Variants in NTM observed in about 807,000 individuals in gnomAD.
The protein encoded by NTM is neurotrimin.
NTM carries 13 observed loss-of-function variants against 42.1 expected under a neutral mutation model. That is an observed-to-expected ratio of 0.31 (90% CI 0.20 to 0.49). The LOEUF is 0.49. Ranked by LOEUF, NTM falls within the 20% of genes least tolerant of loss-of-function variation. The probability of loss-of-function intolerance (pLI) is 0.99; values close to 1 mark genes in which losing one functional copy is unlikely to be tolerated. For synonymous variants in NTM, 187 were observed against 179.2 expected, an observed-to-expected ratio of 1.04 and a Z score of -0.35; for missense variants, 373 against 452.8, an observed-to-expected ratio of 0.82 and a Z score of 1.60.
intron 1 of NTM, among the ~76,000 whole-genome samples, chr11:131,571,019 A>AT (rs1297302492): frequency 5.9e-5 from 9 of 152,204 alleles, no homozygotes; most frequent in Admixed American, 3.3e-4. Flanking sequence ...AGTTAAGAGC[A>AT]ATGGCTTTCC....
chr11:131,888,435 G>A (rs1049159367), intron 1 of NTM, among the ~76,000 whole-genome samples: 10 of 152,116 alleles, frequency 6.6e-5, no homozygotes, highest in Admixed American at 2.6e-4. Context: ...CTGCCAGCCC[G>A]GATCTCCTGC....
chr11:131,730,610 T>C (rs1207071311), intron 1 of NTM, among the ~76,000 whole-genome samples: 2 of 152,046 alleles, frequency 1.3e-5, no homozygotes, highest in Non-Finnish European at 1.5e-5. Context: ...TCCCAGCTAC[T>C]CAAGAGGCTG....
At chr11:132,030,416 T>C (rs2075764761) in intron 2 of NTM, among the ~76,000 whole-genome samples, 2 of 152,232 alleles carry the variant, frequency 1.3e-5, no homozygotes, top group African/African-American at 4.8e-5. Context: ...TATTATTTAA[T>C]TACTCACCAG....
chr11:131,843,051 A>G (rs981564166), intron 1 of NTM, among the ~76,000 whole-genome samples: 6 of 152,098 alleles, frequency 3.9e-5, no homozygotes, highest in Non-Finnish European at 8.8e-5. Context: ...AATGAAAAGC[A>G]AAATTTCTCA....
chr11:131,822,498 A>G (rs1427733703), intron 1 of NTM, among the ~76,000 whole-genome samples: 2 of 152,212 alleles, frequency 1.3e-5, no homozygotes, highest in Non-Finnish European at 1.5e-5. Context: ...TAACGCTCAA[A>G]TCAGTGTGAA....
At chr11:131,501,452 T>C (rs2046821737) in intron 1 of NTM, among the ~76,000 whole-genome samples, 1 of 152,146 alleles carries the variant, frequency 6.6e-6, no homozygotes, top group African/African-American at 2.4e-5. Context: ...GCTCCTGGGC[T>C]GGAGCCTGGG....
rs1421289014 is a variant in NTM at position 132,061,459 on chromosome 11, A to G, written c.168-84823A>G. 2.6e-5 allele frequency among the ~76,000 whole-genome samples: 4 copies of G among 152,336 alleles called. No individual in the cohort carries two copies. In the East Asian group the frequency reaches 7.7e-4, roughly 29 times the overall value. On this transcript the variant is annotated intron_variant, in intron 2 of 8. Transcript: ENST00000683400. ...GGGTTGTGTTTAACTATTAATTTTC[A>G]TACCAGCTTATACCTAATAGAGTGT...
chr11:131,790,110 G>A (rs1392340273), intron 1 of NTM, among the ~76,000 whole-genome samples: 1 of 151,992 alleles, frequency 6.6e-6, no homozygotes, highest in Admixed American at 6.6e-5. Flanking sequence ...AGATTAAAAG[G>A]ATAAGAAGAT....
chr11:131,911,876 C>T (rs1350130665), intron 2 of NTM, among the ~76,000 whole-genome samples: 2 of 152,106 alleles, frequency 1.3e-5, no homozygotes, highest in Non-Finnish European at 2.9e-5. Flanking sequence ...CTGGCCTCTG[C>T]GGCTCAGGCA....
chr11:131,828,140 C>A (rs1359750215), intron 1 of NTM, among the ~76,000 whole-genome samples: 1 of 151,448 alleles, frequency 6.6e-6, no homozygotes, highest in East Asian at 1.9e-4. Flanking sequence ...AAAAAAAAAA[C>A]AACTACCTCT....
At chr11:131,807,579 C>T (rs2092562167) in intron 1 of NTM, among the ~76,000 whole-genome samples, 1 of 152,138 alleles carries the variant, frequency 6.6e-6, no homozygotes, top group South Asian at 2.1e-4. Flanking sequence ...AGCGCCCACT[C>T]ACAGTATTGG....
chr11:131,637,453 G>A (rs139339370), intron 1 of NTM, among the ~76,000 whole-genome samples: 60 of 151,642 alleles, frequency 4.0e-4, no homozygotes, highest in Non-Finnish European at 7.4e-4. Flanking sequence ...ACCTGTATTC[G>A]TAGGTCTTTT....
intron 1 of NTM, among the ~76,000 whole-genome samples, chr11:131,564,634 C>CAA (rs1252065343): frequency 6.6e-6 from 1 of 152,104 alleles, no homozygotes; most frequent in African/African-American, 2.4e-5. Flanking sequence ...ATCAAGGTAA[C>CAA]AAATATATCC....
Position 132,084,562 on chromosome 11 carries a change from G to A in NTM, c.168-61720G>A, listed in dbSNP as rs185340505. ...ACCTTGAAGCTGAAATTTGATTTTG[G>A]GAAGCCTGTTAAATATGGTAGAGGT... On this transcript the variant is annotated intron_variant, in intron 2 of 8. Transcript: ENST00000683400. Among the ~76,000 whole-genome samples the A allele has an allele frequency of 7.0e-4, 107 of 152,194 alleles. 1 individual carries two copies. The highest frequency in any genetic ancestry group is 2.4e-3 in the African/African-American group (101 of 41,526).
Position 131,507,211 on chromosome 11 carries a change from T to A in NTM, c.82+136323T>A, listed in dbSNP as rs2047591797. Among the ~76,000 whole-genome samples the A allele has an allele frequency of 2.6e-5, 4 of 152,314 alleles. 1 individual carries two copies. In the Middle Eastern group the frequency reaches 0.01, roughly 389 times the overall value. ...AAGTTGAAATTTGCTCAGTTTTTAA[T>A]CCATCTTGAATTGATTTTTGTATAA... On this transcript the variant is annotated intron_variant, in intron 1 of 8. Transcript: ENST00000683400.
Position 132,282,976 on chromosome 11 carries a change from C to CTTTTTTTTTTTTTTTTTTTTTTTTT in NTM, c.527-24712_527-24688dup, listed in dbSNP as rs142817071. On this transcript the variant is annotated intron_variant, in intron 4 of 8. Coordinates refer to ENST00000683400, the MANE Select transcript of NTM (RefSeq NM_001352005.2). ...AATGAAACGGGAAATTCCTTTATTCCTTTTTTTTTTTTTTTTTTTTTTTTT... is the reference window on the plus strand; with the variant it reads ...AATGAAACGGGAAATTCCTTTATTCCTTTTTTTTTTTTTTTTTTTTTTTTTTTTTTTTTTTTTTTTTTTTTTTTTT... Among the ~76,000 whole-genome samples the CTTTTTTTTTTTTTTTTTTTTTTTTT allele has an allele frequency of 8.4e-4, 92 of 108,970 alleles. 9 individuals are homozygous for CTTTTTTTTTTTTTTTTTTTTTTTTT. Among genetic ancestry groups the CTTTTTTTTTTTTTTTTTTTTTTTTT allele is most frequent in the Middle Eastern group, 5.1e-3 (1 of 196 alleles). 71.5% of individuals were successfully genotyped at this position (108,970 alleles called of 152,430 possible). A position where few individuals can be genotyped will look rare whatever the true frequency, so the allele number is the denominator to read the frequency against.
At chr11:131,394,846 C>T (rs145532605) in intron 1 of NTM, among the ~76,000 whole-genome samples, 2,031 of 152,146 alleles carry the variant, frequency 0.013, 14 homozygotes, top group Middle Eastern at 0.044. Context: ...CAAATATTTG[C>T]GGGGTGTCAA....
intron 1 of NTM, among the ~76,000 whole-genome samples, chr11:131,726,831 AG>A (rs1484799616): frequency 0.031 from 4,644 of 151,326 alleles, 538 homozygotes; most frequent in African/African-American, 0.11. Flanking sequence ...CTTCTGCCTC[AG>A]CCTCATTAGT....
intron 7 of NTM, among the ~76,000 whole-genome samples, chr11:132,319,562 G>T: frequency 6.6e-6 from 1 of 152,236 alleles, no homozygotes; most frequent in East Asian, 1.9e-4. Context: ...GCAGCAGCAA[G>T]GCTGGGGGAG....
Sources: gnomAD v4.1 joint callset for allele counts (sites outside exome capture counted in the v4.1 genomes callset) on GRCh38, gnomAD v4.1.1 for gene constraint, MANE v1.5 for transcripts, NCBI Gene and HGNC (gene_info 2026-07-23, HGNC 2026-07-21) for gene names.